The following SUCLG2 variants were observed in gnomAD, a reference collection of about 807,000 sequenced individuals.
SUCLG2 encodes the protein succinate--CoA ligase [GDP-forming] subunit beta, mitochondrial.
A neutral mutation model predicts 47.9 loss-of-function variants in SUCLG2; 42 were observed. That is an observed-to-expected ratio of 0.88 (90% CI 0.69 to 1.14). The LOEUF is 1.14. SUCLG2 is among the 50% of genes most tolerant of loss of function. The pLI, the probability that SUCLG2 is intolerant of heterozygous loss-of-function variation, is 0.00. For synonymous variants in SUCLG2, 195 were observed against 197.3 expected, an observed-to-expected ratio of 0.99 and a Z score of 0.10; for missense variants, 571 against 525.9, an observed-to-expected ratio of 1.09 and a Z score of -0.84.
At chr3:67,508,681 T>C (rs568400155) in intron 7 of SUCLG2, 126 bp downstream of exon 7, 58 of 727,186 alleles carry the variant, frequency 8.0e-5, no homozygotes, top group East Asian at 1.1e-4. Context: ...TTTCAAACTA[T>C]GGCAGAAATT....
chr3:67,554,653 A>C (rs1365267912), intron 2 of SUCLG2, among the ~76,000 whole-genome samples: 1 of 152,202 alleles, frequency 6.6e-6, no homozygotes, highest in Non-Finnish European at 1.5e-5. Flanking sequence ...ACTTTACATA[A>C]GAGAGAGAAG....
At chr3:67,408,993 GT>G in intron 9 of SUCLG2, 1 of 1,535,414 alleles carries the variant, frequency 6.5e-7, no homozygotes. Flanking sequence ...TCTGAGTCCT[GT>G]ATTCTGGTGC....
Position 67,363,863 on chromosome 3 carries a change from T to C in SUCLG2, c.1184-3095A>G, listed in dbSNP as rs560778713. On this transcript the variant is annotated intron_variant, in intron 10 of 10. Transcript: ENST00000493112. Reference sequence around the variant, plus strand: ...TGGACATTCTACATCAAATATAAGATGGCTTTGAAAGGTGGAGAAAATCAG... The same window carrying C: ...TGGACATTCTACATCAAATATAAGACGGCTTTGAAAGGTGGAGAAAATCAG... 7.7e-5 allele frequency among the ~76,000 whole-genome samples: 11 copies of C among 143,420 alleles called. No individual in the cohort carries two copies. The East Asian group carries it at 1.5e-3, about 19-fold the overall frequency. 94.1% of individuals were successfully genotyped at this position (143,420 alleles called of 152,430 possible).
In SUCLG2 at chr3:67,455,594, TA is replaced by T. The variant is rs764622770; in HGVS notation, c.1062+40203del. Among the ~76,000 whole-genome samples the T allele has an allele frequency of 1.8e-4, 27 of 152,190 alleles. No homozygotes were observed. The South Asian group carries it at 1.9e-3, about 10-fold the overall frequency. Reference sequence around the variant, plus strand: ...GGAGAGAATGCAGAAATTAACTTTCTAACTTAAACAATTTCAATTTTGTAAT... The same window carrying T: ...GGAGAGAATGCAGAAATTAACTTTCTACTTAAACAATTTCAATTTTGTAAT... On this transcript the variant is annotated intron_variant, in intron 9 of 10. Coordinates refer to ENST00000307227, the MANE Select transcript of SUCLG2 (RefSeq NM_003848.4).
intron 9 of SUCLG2, among the ~76,000 whole-genome samples, chr3:67,417,152 A>G (rs939136405): frequency 6.6e-6 from 1 of 152,230 alleles, no homozygotes; most frequent in Non-Finnish European, 1.5e-5. Flanking sequence ...TAGTACTACC[A>G]TACACTGTAC....
intron 9 of SUCLG2, among the ~76,000 whole-genome samples, chr3:67,457,383 A>T (rs1704212268): frequency 6.6e-6 from 1 of 152,224 alleles, no homozygotes; most frequent in South Asian, 2.1e-4. Context: ...ATGTGCAGAA[A>T]TTAACTTTAT....
chr3:67,366,762 G>A (rs1701881778), intron 10 of SUCLG2, among the ~76,000 whole-genome samples: 1 of 152,102 alleles, frequency 6.6e-6, no homozygotes, highest in South Asian at 2.1e-4. Flanking sequence ...AGAACTGTTA[G>A]CTGCCTGGAA....
At chr3:67,379,491 A>G (rs1553693902) in intron 10 of SUCLG2, among the ~76,000 whole-genome samples, 1 of 152,192 alleles carries the variant, frequency 6.6e-6, no homozygotes, top group Non-Finnish European at 1.5e-5. Flanking sequence ...ATGTGTATGG[A>G]TGAAATGAGC....
At chr3:67,533,372 G>T (rs1706452295) in intron 2 of SUCLG2, among the ~76,000 whole-genome samples, 1 of 152,088 alleles carries the variant, frequency 6.6e-6, no homozygotes, top group African/African-American at 2.4e-5. Context: ...AATAATATTG[G>T]ACTTGCAGAA....
At chr3:67,403,200 G>A (rs1338069350) in intron 9 of SUCLG2, among the ~76,000 whole-genome samples, 1 of 152,078 alleles carries the variant, frequency 6.6e-6, no homozygotes. Flanking sequence ...AACTGCAGAG[G>A]GATAACTGGT....
intron 2 of SUCLG2, 24 bp from the exon 3 acceptor site, chr3:67,529,210 G>C: frequency 6.4e-7 from 1 of 1,570,482 alleles, no homozygotes; most frequent in Non-Finnish European, 8.7e-7. Context: ...ATCCAGAGTT[G>C]GTAGCTGATT....
intron 10 of SUCLG2, among the ~76,000 whole-genome samples, chr3:67,389,944 G>C (rs74864801): frequency 0.057 from 8,682 of 152,180 alleles, 322 homozygotes; most frequent in Middle Eastern, 0.13. Flanking sequence ...AGGTGAAAAC[G>C]GGTCTCCATC....
chr3:67,458,238 T>A (rs1704237199), intron 9 of SUCLG2, among the ~76,000 whole-genome samples: 1 of 152,122 alleles, frequency 6.6e-6, no homozygotes, highest in South Asian at 2.1e-4. Context: ...AGAAAATGGT[T>A]CTATCAAGTT....
At chr3:67,574,871 T>C (rs1707704290) in intron 2 of SUCLG2, among the ~76,000 whole-genome samples, 1 of 152,064 alleles carries the variant, frequency 6.6e-6, no homozygotes, top group Non-Finnish European at 1.5e-5. Flanking sequence ...AAGACAAACC[T>C]CAATCAAAAA....
chr3:67,362,519 T>C (rs766630276), intron 10 of SUCLG2, among the ~76,000 whole-genome samples: 20 of 152,138 alleles, frequency 1.3e-4, no homozygotes, highest in Admixed American at 3.9e-4. Context: ...TCTAATTTTT[T>C]TGTGTGTGTG....
At chr3:67,514,543 A>G (rs1705888964) in intron 6 of SUCLG2, among the ~76,000 whole-genome samples, 1 of 152,212 alleles carries the variant, frequency 6.6e-6, no homozygotes, top group African/African-American at 2.4e-5. Flanking sequence ...TCATCAGCCT[A>G]AACCTTAGAG....
intron 9 of SUCLG2, among the ~76,000 whole-genome samples, chr3:67,465,075 A>G (rs1400061927): frequency 6.6e-6 from 1 of 152,212 alleles, no homozygotes; most frequent in African/African-American, 2.4e-5. Flanking sequence ...AAGATCCCAG[A>G]GGCATGGAGA....
chr3:67,567,288 T>C (rs1315875727), intron 2 of SUCLG2, among the ~76,000 whole-genome samples: 1 of 133,604 alleles, frequency 7.5e-6, no homozygotes, highest in African/African-American at 2.8e-5. Flanking sequence ...CTATACTTCC[T>C]ATATCAGGAT....
intron 6 of SUCLG2, among the ~76,000 whole-genome samples, chr3:67,511,033 G>A (rs1406106107): frequency 6.6e-6 from 1 of 151,854 alleles, no homozygotes; most frequent in Non-Finnish European, 1.5e-5. Flanking sequence ...TAGGACTACA[G>A]GTGTGCCACC....
Sources: gnomAD v4.1 joint callset for allele counts (sites outside exome capture counted in the v4.1 genomes callset) on GRCh38, gnomAD v4.1.1 for gene constraint, MANE v1.5 for transcripts, NCBI Gene and HGNC (gene_info 2026-07-23, HGNC 2026-07-21) for gene names.